The following SPOCK3 variants were observed in gnomAD, a reference collection of about 807,000 sequenced individuals.
The protein encoded by SPOCK3 is SPARC (osteonectin), cwcv and kazal like domains proteoglycan 3.
In SPOCK3, 30 loss-of-function variants were observed where a neutral mutation model predicts 56.6. The ratio of observed to expected loss-of-function variants is 0.53; its 90% CI spans 0.40 to 0.72. SPOCK3 has a LOEUF of 0.72. SPOCK3 is among the 30% of genes least tolerant of loss of function. The pLI, the probability that SPOCK3 is intolerant of heterozygous loss-of-function variation, is 0.00. For missense variants in SPOCK3, 527 were observed against 530.0 expected, an observed-to-expected ratio of 0.99 and a Z score of 0.06; for synonymous variants, 196 against 183.3, an observed-to-expected ratio of 1.07 and a Z score of -0.56.
chr4:167,142,778 A>T (rs906668720), intron 2 of SPOCK3, among the ~76,000 whole-genome samples: 2 of 152,042 alleles, frequency 1.3e-5, no homozygotes, highest in Non-Finnish European at 2.9e-5. Flanking sequence ...GCACACAATA[A>T]TGCTCAAAAA....
At chr4:166,885,796 T>C (rs1252574066) in intron 6 of SPOCK3, among the ~76,000 whole-genome samples, 1 of 152,100 alleles carries the variant, frequency 6.6e-6, no homozygotes, top group Non-Finnish European at 1.5e-5. Flanking sequence ...ACCATAAAAC[T>C]CATAATCATA....
chr4:167,067,622 C>G (rs1756287382), intron 2 of SPOCK3, among the ~76,000 whole-genome samples: 1 of 151,714 alleles, frequency 6.6e-6, no homozygotes, highest in South Asian at 2.1e-4. Flanking sequence ...TGATGTCAAA[C>G]TATCCAGGAT....
At chr4:166,940,823 T>C (rs1740968376) in intron 4 of SPOCK3, among the ~76,000 whole-genome samples, 1 of 144,126 alleles carries the variant, frequency 6.9e-6, no homozygotes, top group Non-Finnish European at 1.5e-5. Context: ...AGTAAGCAAC[T>C]AGTGCTTACT....
chr4:167,219,716 C>CATAA (rs35341983), intron 2 of SPOCK3, among the ~76,000 whole-genome samples: 4,814 of 152,184 alleles, frequency 0.032, 112 homozygotes, highest in Middle Eastern at 0.075. Flanking sequence ...ATTTATTTCA[C>CATAA]ATACTTAGTA....
chr4:167,046,911 CAG>C (rs1453401591), intron 3 of SPOCK3, among the ~76,000 whole-genome samples: 6 of 152,198 alleles, frequency 3.9e-5, no homozygotes, highest in Admixed American at 3.3e-4. Context: ...AGCAAAGACT[CAG>C]AAACAGAAAC....
chr4:166,787,555 AAAC>A (rs1740865323), intron 7 of SPOCK3, among the ~76,000 whole-genome samples: 1 of 152,202 alleles, frequency 6.6e-6, no homozygotes, highest in Non-Finnish European at 1.5e-5. Flanking sequence ...ATCATAAAAT[AAAC>A]AACATTTAAT....
intron 4 of SPOCK3, among the ~76,000 whole-genome samples, chr4:166,938,198 A>G (rs1740661684): frequency 6.6e-6 from 1 of 152,104 alleles, no homozygotes; most frequent in African/African-American, 2.4e-5. Context: ...CCTCTCAAGT[A>G]GTTAAAGGAT....
At chr4:167,234,581 C>T, upstream of SPOCK3, 1 of 218,544 alleles carries the variant, frequency 4.6e-6, no homozygotes, top group Non-Finnish European at 9.1e-6. Context: ...GCGCCCGGCG[C>T]GCTCCCCCCA....
At chr4:166,913,486 C>T (rs566230627) in intron 4 of SPOCK3, among the ~76,000 whole-genome samples, 4 of 152,212 alleles carry the variant, frequency 2.6e-5, no homozygotes, top group African/African-American at 9.6e-5. Context: ...TTCATATAAA[C>T]ACATTTAATA....
intron 6 of SPOCK3, among the ~76,000 whole-genome samples, chr4:166,874,409 A>G (rs1245542068): frequency 6.6e-6 from 1 of 152,238 alleles, no homozygotes; most frequent in South Asian, 2.1e-4. Flanking sequence ...GGGAAAAAGC[A>G]TCAGACCCTT....
intron 7 of SPOCK3, among the ~76,000 whole-genome samples, chr4:166,766,023 T>C (rs1737988943): frequency 6.6e-6 from 1 of 152,126 alleles, no homozygotes; most frequent in South Asian, 2.1e-4. Flanking sequence ...CTTGTGGTTT[T>C]TGCACATTGA....
At chr4:167,207,139 T>C (rs545149573) in intron 2 of SPOCK3, among the ~76,000 whole-genome samples, 1 of 152,240 alleles carries the variant, frequency 6.6e-6, no homozygotes, top group South Asian at 2.1e-4. Context: ...ATTTTGTCTA[T>C]AAGTTGTTTT....
Position 166,737,531 on chromosome 4 carries a change from G to A in SPOCK3, c.1068C>T (p.Cys356=), listed in dbSNP as rs761347114. 6.2e-7 allele frequency: 1 copy of A among 1,613,108 alleles called. No individual in the cohort carries two copies. Among genetic ancestry groups the A allele is most frequent in the East Asian group, 2.2e-5 (1 of 44,842 alleles). The stretch of plus-strand genomic sequence containing the variant: ...CATTTCCATATCTGTCAACACACCA[G>A]CACTGTCCAACACTGCCATGACATT... ...PTQCHGSVGQ[C]WCVDRYGNEV... The change falls in exon 10 of 11, where the codon TGC becomes TGT. Residue 356 remains cysteine (C), a synonymous_variant. Transcript: ENST00000357545.
intron 3 of SPOCK3, among the ~76,000 whole-genome samples, chr4:167,054,083 C>T (rs1171527590): frequency 6.6e-6 from 1 of 152,110 alleles, no homozygotes; most frequent in Non-Finnish European, 1.5e-5. Flanking sequence ...CCTTCTAAAT[C>T]TTTCACCTTA....
At chr4:167,225,647 T>G (rs746424573) in intron 2 of SPOCK3, among the ~76,000 whole-genome samples, 1 of 152,062 alleles carries the variant, frequency 6.6e-6, no homozygotes, top group African/African-American at 2.4e-5. Context: ...GTAGCAAGTA[T>G]GAAGATGGAA....
rs148566230 is a variant in SPOCK3, at chr4:167,031,363, T to C, written c.236-30900A>G. On this transcript the variant is annotated intron_variant, in intron 3 of 10. Coordinates refer to ENST00000357545, the MANE Select transcript of SPOCK3 (RefSeq NM_001040159.2). ...GGAAAAGAACAAATCTACTTGATAT[T>C]ATTGTCTATTACAAACACAAATATT... Among the ~76,000 whole-genome samples the C allele has an allele frequency of 9.9e-5, 15 of 152,122 alleles. No homozygotes were observed. In the East Asian group the frequency reaches 2.7e-3, roughly 27 times the overall value.
At chr4:167,052,452 C>T (rs1580130984) in intron 3 of SPOCK3, among the ~76,000 whole-genome samples, 2 of 152,274 alleles carry the variant, frequency 1.3e-5, no homozygotes, top group East Asian at 3.9e-4. Flanking sequence ...AATGTCTAAA[C>T]AGGGAACTTG....
At chr4:166,791,320 C>G (rs74628833) in intron 7 of SPOCK3, among the ~76,000 whole-genome samples, 3,493 of 152,202 alleles carry the variant, frequency 0.023, 67 homozygotes, top group African/African-American at 0.038. Flanking sequence ...TTGTTAGAAA[C>G]TGCACTTTGA....
chr4:166,904,928 T>G (rs1736456582), intron 5 of SPOCK3, among the ~76,000 whole-genome samples: 1 of 152,046 alleles, frequency 6.6e-6, no homozygotes, highest in Non-Finnish European at 1.5e-5. Context: ...ATGCATCAGT[T>G]AAGGTCTTGC....
Sources: allele counts gnomAD v4.1 joint callset (sites outside exome capture counted in the v4.1 genomes callset), GRCh38; gene constraint gnomAD v4.1.1; transcripts MANE v1.5; gene names NCBI Gene and HGNC (gene_info 2026-07-23, HGNC 2026-07-21).